The following TUBGCP2 variants were observed in gnomAD, a reference collection of about 807,000 sequenced individuals.
The protein encoded by TUBGCP2 is tubulin gamma complex component 2.
Under a neutral mutation model 92.2 loss-of-function variants are expected in TUBGCP2, and 55 were observed. The ratio of observed to expected loss-of-function variants is 0.60; its 90% CI spans 0.48 to 0.75. TUBGCP2 has a LOEUF of 0.75. Among genes scored for constraint, TUBGCP2 ranks in the 30% least tolerant of loss-of-function variants. The pLI, the probability that TUBGCP2 is intolerant of heterozygous loss-of-function variation, is 0.00. For missense variants in TUBGCP2, 1,093 were observed against 1,188.9 expected, an observed-to-expected ratio of 0.92 and a Z score of 1.19; for synonymous variants, 533 against 505.2, an observed-to-expected ratio of 1.06 and a Z score of -0.74.
In TUBGCP2 at chr10:133,285,549, G is replaced by A. The variant is rs151132456; in HGVS notation, c.1802C>T (p.Ala601Val). ...AIETKQEKAMAHADPTELALS... is the reference protein window; with the variant it reads ...AIETKQEKAMVHADPTELALS... Reference sequence around the variant, plus strand: ...CGCCAGCTCCGTGGGGTCGGCGTGCGCCATCGCCTTCTCCTGCTTGGTCTC... The same window carrying A: ...CGCCAGCTCCGTGGGGTCGGCGTGCACCATCGCCTTCTCCTGCTTGGTCTC... The change falls in exon 12 of 18, where the codon GCG (alanine) becomes GTG (valine). Residue 601 changes from alanine to valine, a missense_variant. Physicochemically the swap from Ala to Val is moderately conservative, Grantham distance 64. Around this residue, in one of 3 missense-constraint regions of TUBGCP2, gnomAD observed 598 missense variants for 675.5 expected, o/e 0.89. Transcript: ENST00000252936. This position sits in a 1 kb window ranked among gnomAD's most constrained non-coding sequence, Gnocchi z 6.8. 1.5e-3 allele frequency: 2,325 copies of A among 1,584,612 alleles called. 5 individuals carry two copies. The highest frequency in any genetic ancestry group is 1.9e-3 in the Middle Eastern group (11 of 5,924).
In TUBGCP2 at chr10:133,284,014, G is replaced by A. The variant is rs202246755; in HGVS notation, c.2025-12C>T. Reference sequence around the variant, plus strand: ...AAGCCCCAGCAAACCTGAGTGACACGGAGGACGGAGGACAGCCATGGAGGA... The same window carrying A: ...AAGCCCCAGCAAACCTGAGTGACACAGAGGACGGAGGACAGCCATGGAGGA... On this transcript the variant is annotated splice_polypyrimidine_tract_variant and intron_variant, in intron 13 of 17. Coordinates refer to ENST00000252936, the MANE Select transcript of TUBGCP2 (RefSeq NM_006659.4). 1.0e-4 allele frequency: 163 copies of A among 1,612,300 alleles called. No homozygotes were observed. In the African/African-American group the frequency reaches 2.0e-3, roughly 20 times the overall value.
rs202173821 is a variant in TUBGCP2 at position 133,283,945 on chromosome 10, T to C, written c.2082A>G (p.Gln694=). ...CCATCACTTCAAACATCATGTAGTA[T>C]TGAATATTCTGGACGAAGTTGAGCA... ...QRMLNFVQNI[Q]YYMMFEVMEP... is the part of the protein sequence containing the mutation. Residue 694 remains glutamine (Q), a synonymous_variant, in exon 14 of 18, where the codon CAA becomes CAG. Coordinates refer to ENST00000252936, the MANE Select transcript of TUBGCP2 (RefSeq NM_006659.4). 8.9e-5 allele frequency: 143 copies of C among 1,614,174 alleles called. No homozygotes were observed. Among genetic ancestry groups the C allele is most frequent in the Non-Finnish European group, 1.1e-4 (124 of 1,180,014 alleles).
In TUBGCP2 at chr10:133,279,864, G is replaced by A. The variant is rs1046088468; in HGVS notation, c.2611C>T (p.Arg871Cys). 6.2e-6 allele frequency: 10 copies of A among 1,607,380 alleles called. No individual in the cohort carries two copies. Among genetic ancestry groups the A allele is most frequent in the Middle Eastern group, 1.6e-4 (1 of 6,062 alleles). ...FNGFYTERLE[R>C]LSAERSQKAT... The stretch of plus-strand genomic sequence containing the variant: ...TTCTGGCTCCTCTCTGCAGACAGGC[G>A]CTCCAGGCGCTCCGTGTAGAAACCA... Residue 871 changes from arginine to cysteine, a missense_variant, in exon 18 of 18, where the codon CGC becomes TGC. Coordinates refer to ENST00000252936, the MANE Select transcript of TUBGCP2 (RefSeq NM_006659.4).
chr10:133,301,258 A>G (rs1847647868), intron 2 of TUBGCP2, among the ~76,000 whole-genome samples: 1 of 152,116 alleles, frequency 6.6e-6, no homozygotes. Flanking sequence ...CCTCCTGAGT[A>G]GCTGCATTAC....
intron 1 of TUBGCP2, among the ~76,000 whole-genome samples, chr10:133,306,146 T>C (rs1396043342): frequency 2.0e-5 from 3 of 152,236 alleles, no homozygotes; most frequent in South Asian, 2.1e-4. Flanking sequence ...TGGTTAGGTT[T>C]ACAAAAGGAA....
Position 133,281,265 on chromosome 10 carries a change from C to T in TUBGCP2, c.2573+8G>A, listed in dbSNP as rs771448697. On this transcript the variant is annotated splice_region_variant and intron_variant, in intron 17 of 17. Coordinates refer to ENST00000252936, the MANE Select transcript of TUBGCP2 (RefSeq NM_006659.4). The stretch of plus-strand genomic sequence containing the variant: ...AGGAAGGGCTGAGCCGGGGTGGCGC[C>T]CACCCACCTGGAGATGACGCTGGCC... 1 of 1,609,048 alleles carries T rather than the reference C, an allele frequency of 6.2e-7. No homozygotes were observed. Among genetic ancestry groups the T allele is most frequent in the South Asian group, 1.1e-5 (1 of 91,002 alleles).
In TUBGCP2 at chr10:133,279,069, G is replaced by C. The variant is rs186367418; in HGVS notation, c.*697C>G. 11 of 152,460 alleles carry C rather than the reference G, an allele frequency of 7.2e-5. No individual in the cohort carries two copies. The highest frequency in any genetic ancestry group is 7.2e-4 in the Admixed American group (11 of 15,310). 9.4% of individuals were successfully genotyped at this position (152,460 alleles called of 1,614,324 possible). ...GATGATCGCCCGAGGGGGATTGGGTGTCAGTCTGCTGAGTAAGTTCTACGT... is the reference window on the plus strand; with the variant it reads ...GATGATCGCCCGAGGGGGATTGGGTCTCAGTCTGCTGAGTAAGTTCTACGT... On this transcript the variant is annotated 3_prime_UTR_variant, in exon 18 of 18. Coordinates refer to ENST00000252936, the MANE Select transcript of TUBGCP2 (RefSeq NM_006659.4).
At chr10:133,299,764 CG>C (rs1847592827) in intron 3 of TUBGCP2, among the ~76,000 whole-genome samples, 161 bp from the exon 4 acceptor site, 1 of 152,166 alleles carries the variant, frequency 6.6e-6, no homozygotes, top group Non-Finnish European at 1.5e-5. Flanking sequence ...GTGACACATG[CG>C]GGAAGCTCAA....
At chr10:133,286,666 C>T (rs1847141496) in intron 11 of TUBGCP2, among the ~76,000 whole-genome samples, 1 of 152,212 alleles carries the variant, frequency 6.6e-6, no homozygotes, top group African/African-American at 2.4e-5. Context: ...CAAATCAATA[C>T]ATTTCACAAA....
intron 8 of TUBGCP2, chr10:133,290,652 A>G (rs1458907040): frequency 6.6e-6 from 1 of 152,152 alleles, no homozygotes; most frequent in Non-Finnish European, 1.5e-5. Context: ...GGAATTTAGC[A>G]TTTCCTTCCA....
intron 1 of TUBGCP2, among the ~76,000 whole-genome samples, chr10:133,303,975 C>A (rs1460268170): frequency 6.6e-6 from 1 of 152,232 alleles, no homozygotes; most frequent in Admixed American, 6.5e-5. Flanking sequence ...AGCGCCGCCC[C>A]TACTCTCCCA....
chr10:133,288,407 A>ACGGC (rs1847188462), intron 10 of TUBGCP2, 98 bp from the exon 11 acceptor site: 1 of 1,466,976 alleles, frequency 6.8e-7, no homozygotes, highest in Non-Finnish European at 9.2e-7. Context: ...GGTGCCCGCC[A>ACGGC]CAGCCAGGGA....
In TUBGCP2 at chr10:133,283,985, G is replaced by A. The variant is rs566593946; in HGVS notation, c.2042C>T (p.Thr681Ile). ...GAAGTTGAGCATTCGCTGCCGCAGA[G>A]TGAAAGCCCCAGCAAACCTGAGTGA... Reference protein sequence around the residue: ...HSAQWFAGAFTLRQRMLNFVQ... With the variant: ...HSAQWFAGAFILRQRMLNFVQ... The change falls in exon 14 of 18, where the codon ACT becomes ATT. Residue 681 changes from threonine to isoleucine, a missense_variant. Around this residue, in one of 3 missense-constraint regions of TUBGCP2, gnomAD observed 598 missense variants for 675.5 expected, o/e 0.89. Coordinates refer to ENST00000252936, the MANE Select transcript of TUBGCP2 (RefSeq NM_006659.4). 6.2e-7 allele frequency: 1 copy of A among 1,613,874 alleles called. No individual in the cohort carries two copies. Among genetic ancestry groups the A allele is most frequent in the Non-Finnish European group, 8.5e-7 (1 of 1,179,948 alleles).
At chr10:133,298,159 G>T (rs141219049) in intron 4 of TUBGCP2, 48 bp from the exon 5 acceptor site, 3 of 1,584,468 alleles carry the variant, frequency 1.9e-6, no homozygotes, top group Admixed American at 1.7e-5. Flanking sequence ...ACACTTTAGC[G>T]CAAACACTCA....
upstream of TUBGCP2, chr10:133,310,297 C>T (rs369793749): frequency 6.2e-7 from 1 of 1,613,728 alleles, no homozygotes; most frequent in African/African-American, 1.3e-5. Flanking sequence ...AGGTAGGGAG[C>T]CGCCAGGCTC....
At chr10:133,309,661 G>T (rs576361311), upstream of TUBGCP2, 43 of 1,343,590 alleles carry the variant, frequency 3.2e-5, no homozygotes, top group African/African-American at 5.6e-4. Flanking sequence ...GAGGGTTTGG[G>T]ATTGCAAAAG....
At chr10:133,300,160 C>T (rs781375496) in intron 2 of TUBGCP2, 47 bp from the exon 3 acceptor site, 7 of 1,580,148 alleles carry the variant, frequency 4.4e-6, no homozygotes, top group South Asian at 2.3e-5. Context: ...ATTAATAAAG[C>T]ACTGTAAAAA....
chr10:133,297,948 G>GT lies in TUBGCP2; in HGVS notation c.616+3dup. The GT allele has an allele frequency of 6.2e-7, 1 of 1,612,802 alleles. No homozygotes were observed. Among genetic ancestry groups the GT allele is most frequent in the South Asian group, 1.1e-5 (1 of 91,020 alleles). ...CAGAGCCCGGAAATCAACGCATCAC[G>GT]TACCTATCGGCAAAGCGGTGTCTGT... On this transcript the variant is annotated splice_donor_region_variant and intron_variant, in intron 5 of 17. Transcript: ENST00000252936.
In TUBGCP2 at chr10:133,279,604, C is replaced by T. The variant is rs1206872060; in HGVS notation, c.*162G>A. 7.1e-5 allele frequency: 83 copies of T among 1,169,056 alleles called. No homozygotes were observed. The highest frequency in any genetic ancestry group is 4.6e-4 in the East Asian group (15 of 32,326). 72.4% of individuals were successfully genotyped at this position (1,169,056 alleles called of 1,614,324 possible). On this transcript the variant is annotated 3_prime_UTR_variant, in exon 18 of 18. Coordinates refer to ENST00000252936, the MANE Select transcript of TUBGCP2 (RefSeq NM_006659.4). ...CCCTGCCTGGGCAGCTTCTATAAAA[C>T]GAAACCCAGCGCCTTGAGAAACAAA...
Sources: gnomAD v4.1 joint callset for allele counts (sites outside exome capture counted in the v4.1 genomes callset) on GRCh38, gnomAD v4.1.1 for gene constraint, gnomAD v4.1.1 regional missense constraint, Gnocchi (gnomAD v3.1) non-coding constraint, MANE v1.5 for transcripts, NCBI Gene and HGNC (gene_info 2026-07-23, HGNC 2026-07-21) for gene names.